EEF1AKMT1: variants seen among roughly 807,000 people sequenced by gnomAD.
The protein encoded by EEF1AKMT1 is EEF1A lysine methyltransferase 1, also known as N-6 adenine-specific DNA methyltransferase 2 (putative).
EEF1AKMT1 carries 18 observed loss-of-function variants against 21.0 expected under a neutral mutation model. That is an observed-to-expected ratio of 0.86 (90% CI 0.59 to 1.27). The LOEUF (loss-of-function observed/expected upper bound fraction) is 1.27. Ranked by LOEUF, EEF1AKMT1 falls within the 50% of genes most tolerant of loss-of-function variation. The probability of loss-of-function intolerance (pLI) is 0.00; values close to 1 mark genes in which losing one functional copy is unlikely to be tolerated. For missense variants in EEF1AKMT1, 246 were observed against 258.6 expected (o/e 0.95, Z 0.33); for synonymous variants, 109 against 94.8 (o/e 1.15, Z -0.87).
intron 2 of EEF1AKMT1, among the ~76,000 whole-genome samples, chr13:20,752,129 G>A (rs1366119696): frequency 6.6e-6 from 1 of 152,020 alleles, no homozygotes; most frequent in Non-Finnish European, 1.5e-5. Context: ...CAATTTAGAT[G>A]CTTTTTATTT....
intron 1 of EEF1AKMT1, among the ~76,000 whole-genome samples, chr13:20,758,229 A>C (rs1391035286): frequency 6.6e-6 from 1 of 152,064 alleles, no homozygotes; most frequent in East Asian, 1.9e-4. Flanking sequence ...TCATCTACAT[A>C]ATAATAAGAA....
At chr13:20,760,879 A>G (rs1363139834) in intron 1 of EEF1AKMT1, among the ~76,000 whole-genome samples, 2 of 152,192 alleles carry the variant, frequency 1.3e-5, no homozygotes, top group East Asian at 1.9e-4. Flanking sequence ...GGACATAAAT[A>G]TTTCTATTTT....
intron 1 of EEF1AKMT1, among the ~76,000 whole-genome samples, chr13:20,758,218 T>G (rs868746075): frequency 2.0e-5 from 3 of 152,126 alleles, no homozygotes; most frequent in Non-Finnish European, 2.9e-5. Flanking sequence ...GCCTGCAGGT[T>G]TCATCTACAT....
At chr13:20,729,952 C>A (rs140469098) in intron 4 of EEF1AKMT1, among the ~76,000 whole-genome samples, 4 of 152,202 alleles carry the variant, frequency 2.6e-5, no homozygotes, top group Admixed American at 1.3e-4. Context: ...TGCGTCCCGT[C>A]GCCTTGGGCT....
At chr13:20,757,761 C>A in intron 1 of EEF1AKMT1, 144 bp from the exon 2 acceptor site, 1 of 673,670 alleles carries the variant, frequency 1.5e-6, no homozygotes, top group Non-Finnish European at 2.4e-6. Context: ...ATTCTAAGCC[C>A]CCCAGCCAAC....
chr13:20,737,578 G>A (rs983751256), intron 3 of EEF1AKMT1, 145 bp downstream of exon 3: 2 of 626,548 alleles, frequency 3.2e-6, no homozygotes, highest in Non-Finnish European at 5.5e-6. Flanking sequence ...CAGTGTTGAA[G>A]CTGGTCTTAA....
At chr13:20,738,898 C>T (rs914290253) in intron 2 of EEF1AKMT1, among the ~76,000 whole-genome samples, 1 of 149,424 alleles carries the variant, frequency 6.7e-6, no homozygotes, top group Non-Finnish European at 1.5e-5. Flanking sequence ...CTAAAATTGA[C>T]TGTGGTGATA....
chr13:20,738,977 A>C (rs922909698), intron 2 of EEF1AKMT1, among the ~76,000 whole-genome samples: 7 of 152,208 alleles, frequency 4.6e-5, no homozygotes, highest in East Asian at 1.9e-4. Flanking sequence ...GACCCTCACG[A>C]TGAGTGTGAC....
chr13:20,740,029 G>T (rs1231738240), intron 2 of EEF1AKMT1, among the ~76,000 whole-genome samples: 1 of 152,248 alleles, frequency 6.6e-6, no homozygotes, highest in Non-Finnish European at 1.5e-5. Context: ...CCATGGTGGG[G>T]GAGGAGGCTC....
chr13:20,764,926 T>C (rs935715927), intron 1 of EEF1AKMT1, among the ~76,000 whole-genome samples: 7 of 131,082 alleles, frequency 5.3e-5, no homozygotes, highest in Non-Finnish European at 8.1e-5. Flanking sequence ...CACCCTAATT[T>C]TGAAGTGAGT....
chr13:20,758,583 G>C (rs2058982990), intron 1 of EEF1AKMT1, among the ~76,000 whole-genome samples: 1 of 151,934 alleles, frequency 6.6e-6, no homozygotes, highest in Non-Finnish European at 1.5e-5. Flanking sequence ...GTCGACATAA[G>C]AGTAGATCAT....
chr13:20,766,253 C>A, intron 1 of EEF1AKMT1, among the ~76,000 whole-genome samples: 1 of 124,646 alleles, frequency 8.0e-6, no homozygotes, highest in Non-Finnish European at 1.6e-5. Context: ...GGGCAGAGAT[C>A]ACAACACTGC....
chr13:20,737,610 T>C (rs994153246), intron 3 of EEF1AKMT1, 113 bp downstream of exon 3: 1 of 882,904 alleles, frequency 1.1e-6, no homozygotes, highest in Non-Finnish European at 1.8e-6. Flanking sequence ...CTGCAAACCA[T>C]GATCTACAAT....
chr13:20,740,896 G>A (rs527590772), intron 2 of EEF1AKMT1, among the ~76,000 whole-genome samples: 22 of 151,866 alleles, frequency 1.4e-4, no homozygotes, highest in South Asian at 6.2e-4. Context: ...CTTAAATAAG[G>A]AGAGCTTTAC....
chr13:20,739,307 A>G (rs888189395), intron 2 of EEF1AKMT1, among the ~76,000 whole-genome samples: 2 of 152,208 alleles, frequency 1.3e-5, no homozygotes, highest in African/African-American at 4.8e-5. Context: ...GTGAGGAGCA[A>G]AAGAACAAAC....
intron 2 of EEF1AKMT1, among the ~76,000 whole-genome samples, chr13:20,740,080 G>A (rs1202996383): frequency 6.6e-6 from 1 of 152,262 alleles, no homozygotes; most frequent in African/African-American, 2.4e-5. Flanking sequence ...GCCCTGCGGG[G>A]AGACAGCTGA....
chr13:20,731,193 G>A (rs908917768), intron 4 of EEF1AKMT1, among the ~76,000 whole-genome samples: 2 of 152,194 alleles, frequency 1.3e-5, no homozygotes, highest in African/African-American at 4.8e-5. Context: ...TAAAATTTTT[G>A]TAGAGATGGA....
rs767162001 is a variant in EEF1AKMT1, at chr13:20,731,908, C to A, written c.441G>T (p.Glu147Asp). 6.2e-7 allele frequency: 1 copy of A among 1,614,190 alleles called. No individual in the cohort carries two copies. The highest frequency in any genetic ancestry group is 2.2e-5 in the East Asian group (1 of 44,890). Residue 147 changes from glutamate to aspartate, a missense_variant, in exon 4 of 5, where the codon GAG (glutamate) becomes GAT (aspartate). Glu to Asp is a conservative substitution (Grantham distance 45). Coordinates refer to ENST00000382758, the MANE Select transcript of EEF1AKMT1 (RefSeq NM_001318939.2). ...TTTCCGATGTTTTTCTGAGACATTC[C>A]TCCGAAAGATAGGGAGGATCTGCTA... ...IVIADPPYLS[E>D]ECLRKTSETV...
intron 1 of EEF1AKMT1, among the ~76,000 whole-genome samples, chr13:20,762,793 T>G (rs747095245): frequency 6.6e-6 from 1 of 152,126 alleles, no homozygotes; most frequent in African/African-American, 2.4e-5. Flanking sequence ...GGATTACAGG[T>G]GTGAGTCACT....
Sources: allele counts gnomAD v4.1 joint callset (sites outside exome capture counted in the v4.1 genomes callset), GRCh38; gene constraint gnomAD v4.1.1; transcripts MANE v1.5; gene names NCBI Gene and HGNC (gene_info 2026-07-23, HGNC 2026-07-21).